PRELID2: variants seen among roughly 807,000 people sequenced by gnomAD.
The protein encoded by PRELID2 is PRELI domain-containing protein 2.
A neutral mutation model predicts 28.4 loss-of-function variants in PRELID2; 25 were observed. The observed-to-expected ratio is 0.88, with a 90% CI of 0.64 to 1.23. PRELID2 has a LOEUF of 1.23. Among genes scored for constraint, PRELID2 ranks in the 50% most tolerant of loss-of-function variants. PRELID2 has a pLI of 0.00. For missense variants in PRELID2, 201 were observed against 214.4 expected, an observed-to-expected ratio of 0.94 and a Z score of 0.39; for synonymous variants, 76 against 71.6, an observed-to-expected ratio of 1.06 and a Z score of -0.31.
intron 1 of PRELID2, among the ~76,000 whole-genome samples, chr5:145,658,325 C>G (rs1236359494): frequency 1.3e-5 from 2 of 152,198 alleles, no homozygotes; most frequent in African/African-American, 4.8e-5. Flanking sequence ...CAGCCCTAGA[C>G]CCCTCCTGAA....
At chr5:145,683,776 C>T (rs1371832436) in intron 1 of PRELID2, among the ~76,000 whole-genome samples, 1 of 152,142 alleles carries the variant, frequency 6.6e-6, no homozygotes, top group African/African-American at 2.4e-5. Flanking sequence ...ACAGTTCAAC[C>T]TATAACGACC....
intron 1 of PRELID2, among the ~76,000 whole-genome samples, chr5:145,602,469 C>T (rs1255492182): frequency 6.6e-6 from 1 of 152,036 alleles, no homozygotes; most frequent in African/African-American, 2.4e-5. Flanking sequence ...AGATAGACAT[C>T]ATGAGGAAGA....
intron 1 of PRELID2, among the ~76,000 whole-genome samples, chr5:145,668,309 G>C (rs1038063013): frequency 1.3e-5 from 2 of 150,790 alleles, no homozygotes; most frequent in Admixed American, 6.6e-5. Flanking sequence ...TGACCAAATT[G>C]AATCATCTGC....
At chr5:145,804,499 G>C (rs903502031) in intron 4 of PRELID2, among the ~76,000 whole-genome samples, 2 of 152,142 alleles carry the variant, frequency 1.3e-5, no homozygotes, top group Non-Finnish European at 2.9e-5. Context: ...AGCAGAGCTA[G>C]ACTCTGCCTC....
the PRELID2 span, among the ~76,000 whole-genome samples, chr5:145,333,816 A>G: frequency 2.3e-5 from 3 of 128,172 alleles, no homozygotes; most frequent in African/African-American, 9.2e-5. Flanking sequence ...CCACTGGAGT[A>G]TACAAAAAAA....
At chr5:145,307,429 A>C in the PRELID2 span, among the ~76,000 whole-genome samples, 1 of 152,170 alleles carries the variant, frequency 6.6e-6, no homozygotes, top group Non-Finnish European at 1.5e-5. Context: ...ACACTTGTTG[A>C]AGACCTTCTG....
chr5:145,385,948 C>T, the PRELID2 span, among the ~76,000 whole-genome samples: 347 of 151,930 alleles, frequency 2.3e-3, 1 homozygote, highest in African/African-American at 7.8e-3. Context: ...ATTTGTAATC[C>T]CCATAATCCC....
At chr5:145,796,577 A>ATG (rs772732335) in intron 4 of PRELID2, 30 bp from the exon 5 acceptor site, 24 of 1,384,866 alleles carry the variant, frequency 1.7e-5, no homozygotes, top group Admixed American at 3.7e-5. Context: ...CACATCTTTG[A>ATG]TGTCATTCTA....
chr5:145,246,789 C>T, the PRELID2 span, among the ~76,000 whole-genome samples: 1 of 149,392 alleles, frequency 6.7e-6, no homozygotes, highest in Admixed American at 6.6e-5. Flanking sequence ...CATCTTGCTT[C>T]TAACCTTTAA....
the PRELID2 span, among the ~76,000 whole-genome samples, chr5:145,366,755 T>G: frequency 2.0e-5 from 3 of 151,912 alleles, no homozygotes; most frequent in Non-Finnish European, 4.4e-5. Context: ...CAATCTTGTC[T>G]TCTGTTTCCT....
At chr5:145,394,221 C>T in the PRELID2 span, among the ~76,000 whole-genome samples, 1 of 152,048 alleles carries the variant, frequency 6.6e-6, no homozygotes, top group Non-Finnish European at 1.5e-5. Flanking sequence ...GAAAATTTGG[C>T]ACATATACAC....
At chr5:145,702,005 C>A (rs985389132) in intron 1 of PRELID2, among the ~76,000 whole-genome samples, 1 of 151,942 alleles carries the variant, frequency 6.6e-6, no homozygotes, top group South Asian at 2.1e-4. Context: ...GAGCTGAGAT[C>A]ATGCCATTGC....
At chr5:145,752,782 G>A (rs969929643), downstream of PRELID2, among the ~76,000 whole-genome samples, 2 of 152,284 alleles carry the variant, frequency 1.3e-5, no homozygotes, top group South Asian at 2.1e-4. Context: ...CTTTCTGTAA[G>A]CCTCCTGTCC....
intron 1 of PRELID2, among the ~76,000 whole-genome samples, chr5:145,661,704 A>G (rs1421960714): frequency 6.6e-6 from 1 of 151,410 alleles, no homozygotes; most frequent in Non-Finnish European, 1.5e-5. Flanking sequence ...TTATGCTTGC[A>G]AGTGCCATTT....
the PRELID2 span, among the ~76,000 whole-genome samples, chr5:145,270,152 A>G: frequency 6.6e-6 from 1 of 151,924 alleles, no homozygotes; most frequent in African/African-American, 2.4e-5. Flanking sequence ...TGGTAAAATT[A>G]TACAGCCACC....
At chr5:145,316,455 C>T in the PRELID2 span, among the ~76,000 whole-genome samples, 1 of 152,160 alleles carries the variant, frequency 6.6e-6, no homozygotes, top group African/African-American at 2.4e-5. Flanking sequence ...TTTACCAACA[C>T]ACCATAATCA....
intron 5 of PRELID2, among the ~76,000 whole-genome samples, chr5:145,781,349 C>G (rs1441676864): frequency 6.6e-6 from 1 of 152,032 alleles, no homozygotes; most frequent in Non-Finnish European, 1.5e-5. Flanking sequence ...TAGCTCTACC[C>G]AGAATTCTGT....
At chr5:145,233,868 A>T in the PRELID2 span, among the ~76,000 whole-genome samples, 1 of 152,206 alleles carries the variant, frequency 6.6e-6, no homozygotes. Flanking sequence ...CTTAAATCAG[A>T]TTAATAAAGC....
chr5:145,444,471 T>G, the PRELID2 span, among the ~76,000 whole-genome samples: 3 of 152,024 alleles, frequency 2.0e-5, no homozygotes, highest in Non-Finnish European at 4.4e-5. Context: ...GTCCCCACAC[T>G]GTCATTTTTG....
Sources: allele counts gnomAD v4.1 joint callset (sites outside exome capture counted in the v4.1 genomes callset), GRCh38; gene constraint gnomAD v4.1.1; transcripts MANE v1.5; gene names NCBI Gene and HGNC (gene_info 2026-07-23, HGNC 2026-07-21).